SEMA6D: variants seen among roughly 807,000 people sequenced by gnomAD.
SEMA6D encodes the protein semaphorin-6D.
A neutral mutation model predicts 106.6 loss-of-function variants in SEMA6D; 35 were observed. That is an observed-to-expected ratio of 0.33 (90% CI 0.25 to 0.44). The LOEUF (loss-of-function observed/expected upper bound fraction) is 0.44, where lower values mean the gene tolerates loss of function less well. Among genes scored for constraint, SEMA6D ranks in the 20% least tolerant of loss-of-function variants. The pLI, the probability that SEMA6D is intolerant of heterozygous loss-of-function variation, is 1.00. For missense variants in SEMA6D, 1,185 were observed against 1,345.9 expected (o/e 0.88, Z 1.87); for synonymous variants, 499 against 487.7 (o/e 1.02, Z -0.31).
At chr15:47,513,852 A>ATTAATAAAT (rs2044306509) in intron 3 of SEMA6D, among the ~76,000 whole-genome samples, 1 of 152,246 alleles carries the variant, frequency 6.6e-6, no homozygotes, top group East Asian at 1.9e-4. Flanking sequence ...ATTGTAATGC[A>ATTAATAAAT]GATTGTTGAA....
intron 3 of SEMA6D, among the ~76,000 whole-genome samples, chr15:47,560,463 G>C (rs1482696220): frequency 6.6e-6 from 1 of 152,030 alleles, no homozygotes; most frequent in African/African-American, 2.4e-5. Context: ...GAGCAGATTT[G>C]AGATGGAAAA....
At chr15:47,351,899 A>C (rs138471760) in intron 1 of SEMA6D, among the ~76,000 whole-genome samples, 7 of 152,348 alleles carry the variant, frequency 4.6e-5, no homozygotes, top group Admixed American at 4.6e-4. Context: ...TCATCCAAAT[A>C]AAATGGAAAA....
chr15:47,444,723 A>G (rs945538629), intron 2 of SEMA6D, among the ~76,000 whole-genome samples: 4 of 152,148 alleles, frequency 2.6e-5, no homozygotes, highest in Non-Finnish European at 5.9e-5. Flanking sequence ...GGCAAGTGAA[A>G]GAGCCAGAGC....
At chr15:47,276,544 G>A (rs954853135) in intron 1 of SEMA6D, among the ~76,000 whole-genome samples, 7 of 152,084 alleles carry the variant, frequency 4.6e-5, no homozygotes, top group African/African-American at 9.7e-5. Flanking sequence ...AAAATAAACC[G>A]TGGATGACAC....
chr15:47,606,327 G>C (rs1280649849), intron 4 of SEMA6D: 2 of 152,188 alleles, frequency 1.3e-5, no homozygotes, highest in African/African-American at 4.8e-5. Context: ...CTGAGAATAA[G>C]GCTGTCTCCA....
chr15:47,604,259 C>T (rs1039583654), intron 4 of SEMA6D: 3 of 152,168 alleles, frequency 2.0e-5, no homozygotes, highest in Non-Finnish European at 2.9e-5. Flanking sequence ...TCTTTCACAT[C>T]CAAGTTTGTG....
intron 2 of SEMA6D, among the ~76,000 whole-genome samples, chr15:47,420,379 C>T (rs1230062817): frequency 6.6e-6 from 1 of 151,924 alleles, no homozygotes; most frequent in Admixed American, 6.6e-5. Context: ...CCTTTCTTCC[C>T]CCTCCCCTAA....
At chr15:47,653,795 G>A (rs1400424159) in intron 4 of SEMA6D, among the ~76,000 whole-genome samples, 2 of 152,184 alleles carry the variant, frequency 1.3e-5, no homozygotes, top group Non-Finnish European at 2.9e-5. Context: ...GGGCATATAT[G>A]TACACAGAAG....
At chr15:47,444,386 A>G (rs1020463905) in intron 2 of SEMA6D, among the ~76,000 whole-genome samples, 2 of 152,144 alleles carry the variant, frequency 1.3e-5, no homozygotes, top group Non-Finnish European at 2.9e-5. Context: ...GCTAGGGAGT[A>G]AAGAATAGCT....
At chr15:47,369,995 G>A (rs1340500884) in intron 1 of SEMA6D, among the ~76,000 whole-genome samples, 5 of 152,142 alleles carry the variant, frequency 3.3e-5, no homozygotes, top group Non-Finnish European at 7.4e-5. Context: ...AAAAACAGAG[G>A]TCCACATATG....
intron 1 of SEMA6D, among the ~76,000 whole-genome samples, chr15:47,744,279 C>T (rs999860540): frequency 2.0e-5 from 3 of 152,118 alleles, no homozygotes; most frequent in African/African-American, 7.2e-5. Flanking sequence ...TTTCCCCAAA[C>T]CCTGGTCTAG....
At chr15:47,255,492 C>T (rs568019987) in intron 1 of SEMA6D, among the ~76,000 whole-genome samples, 3 of 151,586 alleles carry the variant, frequency 2.0e-5, no homozygotes, top group Non-Finnish European at 2.9e-5. Context: ...TTAGCTTGTT[C>T]GTGTTTTTCC....
chr15:47,277,762 C>T (rs1461350122), intron 1 of SEMA6D, among the ~76,000 whole-genome samples: 1 of 151,830 alleles, frequency 6.6e-6, no homozygotes, highest in Non-Finnish European at 1.5e-5. Flanking sequence ...TTCCTCCCCC[C>T]TCCCCACACC....
intron 4 of SEMA6D, among the ~76,000 whole-genome samples, chr15:47,623,392 T>C (rs2077144474): frequency 1.3e-5 from 2 of 152,224 alleles, no homozygotes; most frequent in Admixed American, 6.5e-5. Flanking sequence ...CAATAACCTC[T>C]TTTATATAGG....
intron 1 of SEMA6D, among the ~76,000 whole-genome samples, chr15:47,727,876 A>T (rs1027709794): frequency 2.0e-5 from 3 of 152,202 alleles, no homozygotes; most frequent in Admixed American, 1.3e-4. Flanking sequence ...TGCGGTCAGG[A>T]TGGAATTTTT....
chr15:47,520,855 G>A (rs1163008870), intron 3 of SEMA6D, among the ~76,000 whole-genome samples: 5 of 152,182 alleles, frequency 3.3e-5, no homozygotes, highest in African/African-American at 9.7e-5. Context: ...GGCAAAAGTG[G>A]ATGTGCCTGT....
Position 47,290,616 on chromosome 15 carries a change from TTA to T in SEMA6D, c.-239+106211_-239+106212del, listed in dbSNP as rs938196525. ...CTACAAATATATAACATCAATTTAA[TTA>T]TATATATATATACACACACACACAC... On this transcript the variant is annotated intron_variant, in intron 1 of 19. Transcript: ENST00000558014. 6.4e-4 allele frequency among the ~76,000 whole-genome samples: 41 copies of T among 64,512 alleles called. No homozygotes were observed. In the East Asian group the frequency reaches 6.9e-3, roughly 11 times the overall value. 42.3% of individuals were successfully genotyped at this position (64,512 alleles called of 152,430 possible).
chr15:47,353,796 A>G (rs915076212), intron 1 of SEMA6D, among the ~76,000 whole-genome samples: 1 of 152,192 alleles, frequency 6.6e-6, no homozygotes, highest in Non-Finnish European at 1.5e-5. Flanking sequence ...CCTAAAGGCA[A>G]CAGTGAAGCT....
intron 1 of SEMA6D, among the ~76,000 whole-genome samples, chr15:47,330,250 A>G (rs1595746255): frequency 6.6e-6 from 1 of 152,104 alleles, no homozygotes; most frequent in East Asian, 1.9e-4. Context: ...CTCTGTATGT[A>G]TGTATTTCTA....
Sources: allele counts gnomAD v4.1 joint callset (sites outside exome capture counted in the v4.1 genomes callset), GRCh38; gene constraint gnomAD v4.1.1; transcripts MANE v1.5; gene names NCBI Gene and HGNC (gene_info 2026-07-23, HGNC 2026-07-21).